The following EGR3 variants were observed in gnomAD, a reference collection of about 807,000 sequenced individuals.
EGR3 encodes early growth response protein 3.
Under a neutral mutation model 22.4 loss-of-function variants are expected in EGR3, and 4 were observed. The observed-to-expected ratio is 0.18, with a 90% CI of 0.09 to 0.41. The LOEUF (loss-of-function observed/expected upper bound fraction) is 0.41, where lower values mean the gene tolerates loss of function less well. EGR3 is among the 10% of genes least tolerant of loss of function. EGR3 has a pLI of 1.00. For synonymous variants in EGR3, 219 were observed against 226.8 expected (o/e 0.97, Z 0.31); for missense variants, 315 against 541.3 (o/e 0.58, Z 4.15).
chr8:22,691,070 G>C lies in EGR3; in HGVS notation c.567C>G (p.Pro189=), dbSNP rs1803936213. ...GGTAGAGGTTGTAGTCAGGAATCAT[G>C]GGGAAGAGATTGCTGTCCAACGCCG... The part of the protein sequence containing the change: ...AKPALDSNLF[P]MIPDYNLYHH... The change falls in exon 2 of 2, where the codon CCC becomes CCG. Residue 189 remains proline, a synonymous_variant. Transcript: ENST00000317216. 1 of 1,613,020 alleles carries C rather than the reference G, an allele frequency of 6.2e-7. No individual in the cohort carries two copies. The highest frequency in any genetic ancestry group is 8.5e-7 in the Non-Finnish European group (1 of 1,179,128).
chr8:22,692,645 C>A lies in EGR3; in HGVS notation c.154+146G>T. 7.0e-7 allele frequency: 1 copy of A among 1,430,660 alleles called. No homozygotes were observed. The highest frequency in any genetic ancestry group is 9.2e-7 in the Non-Finnish European group (1 of 1,085,358). The allele number at this position is 1,430,660 out of a possible 1,614,324, so 88.6% of individuals were successfully genotyped here. On this transcript the variant is annotated intron_variant, in intron 1 of 1. Transcript: ENST00000317216. This position sits in a 1 kb window ranked among gnomAD's most constrained non-coding sequence, Gnocchi z 6.2. ...CGCAAAATTCCCAGCGCGCCCCCAT[C>A]TCTCCATCCATTTATCTATCCACCC...
rs1803898342 is a variant in EGR3, at chr8:22,690,279, C to T, written c.*194G>A. On this transcript the variant is annotated 3_prime_UTR_variant, in exon 2 of 2. Transcript: ENST00000317216. ...GGGGACCGCGAGGGGAAGGCGCCTC[C>T]AGCCCTGGCCCCTGACCGCTGGCCG... The T allele has an allele frequency of 1.7e-6, 1 of 592,112 alleles. No individual in the cohort carries two copies. Among genetic ancestry groups the T allele is most frequent in the Non-Finnish European group, 3.0e-6 (1 of 338,268 alleles). The allele number at this position is 592,112 out of a possible 1,614,324, so 36.7% of individuals were successfully genotyped here.
rs1804031957 is a variant in EGR3 at position 22,693,308 on chromosome 8, A to G, written c.-364T>C. ...ACGCGGCCTCAGTATTGATCTCACA[A>G]ACAGACACGCGCCCGCCGCCCCCCC... On this transcript the variant is annotated 5_prime_UTR_variant, in exon 1 of 2. Coordinates refer to ENST00000317216, the MANE Select transcript of EGR3 (RefSeq NM_004430.3). 7.3e-6 allele frequency: 1 copy of G among 137,888 alleles called. No homozygotes were observed. The allele number at this position is 137,888 out of a possible 1,614,324, so 8.5% of individuals were successfully genotyped here.
Position 22,692,045 on chromosome 8 carries a change from C to T in EGR3, c.155-563G>A. On this transcript the variant is annotated intron_variant, in intron 1 of 1. Coordinates refer to ENST00000317216, the MANE Select transcript of EGR3 (RefSeq NM_004430.3). This position sits in a 1 kb window ranked among gnomAD's most constrained non-coding sequence, Gnocchi z 6.2. Reference sequence around the variant, plus strand: ...AGCTCTCCCTTCACCTACCCCGGCCCCAGCCTCCTCGGGCATGAAGGAGCT... The same window carrying T: ...AGCTCTCCCTTCACCTACCCCGGCCTCAGCCTCCTCGGGCATGAAGGAGCT... The T allele has an allele frequency of 5.3e-6, 7 of 1,315,606 alleles. No individual in the cohort carries two copies. Among genetic ancestry groups the T allele is most frequent in the Non-Finnish European group, 6.8e-6 (7 of 1,034,226 alleles). The allele number at this position is 1,315,606 out of a possible 1,614,324, so 81.5% of individuals were successfully genotyped here.
rs751294806 is a variant in EGR3 at position 22,692,975 on chromosome 8, C to G, written c.-31G>C. 1 of 1,592,252 alleles carries G rather than the reference C, an allele frequency of 6.3e-7. No homozygotes were observed. Among genetic ancestry groups the G allele is most frequent in the South Asian group, 1.1e-5 (1 of 90,136 alleles). On this transcript the variant is annotated 5_prime_UTR_variant, in exon 1 of 2. Coordinates refer to ENST00000317216, the MANE Select transcript of EGR3 (RefSeq NM_004430.3). This position sits in a 1 kb window ranked among gnomAD's most constrained non-coding sequence, Gnocchi z 6.2. The stretch of plus-strand genomic sequence containing the variant: ...TCCCGAGCTGCCGCCGCCGCCGCCA[C>G]CGCCGCCACCGCCGCCGCTCGCTCC...
intron 1 of EGR3, chr8:22,691,862 G>C: frequency 4.1e-6 from 4 of 985,352 alleles, no homozygotes; most frequent in Non-Finnish European, 4.8e-6. Context: ...GCTCTCCACC[G>C]CACACAACTC....
rs767530238 is a variant in EGR3 at position 22,690,472 on chromosome 8, C to T, written c.*1G>A. The T allele has an allele frequency of 1.9e-6, 3 of 1,596,142 alleles. No homozygotes were observed. The highest frequency in any genetic ancestry group is 2.6e-6 in the Non-Finnish European group (3 of 1,169,086). On this transcript the variant is annotated 3_prime_UTR_variant, in exon 2 of 2. Coordinates refer to ENST00000317216, the MANE Select transcript of EGR3 (RefSeq NM_004430.3). ...AAAGTGGGGATCTGGGGGCCCGATC[C>T]TCAGGCGCAGGTGGTGACCACGGGG...
In EGR3 at chr8:22,692,361, G is replaced by A; in HGVS notation, c.154+430C>T. The A allele has an allele frequency of 6.7e-7, 1 of 1,489,064 alleles. No individual in the cohort carries two copies. Among genetic ancestry groups the A allele is most frequent in the Non-Finnish European group, 8.9e-7 (1 of 1,125,366 alleles). 92.2% of individuals were successfully genotyped at this position (1,489,064 alleles called of 1,614,324 possible). ...CTCCATCCCGGGTGGGAGGCTGAGG[G>A]AGTAAGGGGGGAGAGCGCGGGTGAA... On this transcript the variant is annotated intron_variant, in intron 1 of 1. Transcript: ENST00000317216. This position sits in a 1 kb window ranked among gnomAD's most constrained non-coding sequence, Gnocchi z 6.2.
At chr8:22,691,910 C>T (rs1000787092) in intron 1 of EGR3, 43 of 1,226,588 alleles carry the variant, frequency 3.5e-5, no homozygotes, top group Non-Finnish European at 4.2e-5. Flanking sequence ...CAGGACGCCG[C>T]GCCTTTCCCT....
chr8:22,692,652 T>C lies in EGR3; in HGVS notation c.154+139A>G. On this transcript the variant is annotated intron_variant, in intron 1 of 1. Transcript: ENST00000317216. This position sits in a 1 kb window ranked among gnomAD's most constrained non-coding sequence, Gnocchi z 6.2. ...TTCCCAGCGCGCCCCCATCTCTCCATCCATTTATCTATCCACCCATCCACC... is the reference window on the plus strand; with the variant it reads ...TTCCCAGCGCGCCCCCATCTCTCCACCCATTTATCTATCCACCCATCCACC... 2 of 1,425,688 alleles carry C rather than the reference T, an allele frequency of 1.4e-6. No individual in the cohort carries two copies. Among genetic ancestry groups the C allele is most frequent in the Non-Finnish European group, 1.9e-6 (2 of 1,076,616 alleles). The allele number at this position is 1,425,688 out of a possible 1,614,324, so 88.3% of individuals were successfully genotyped here.
Position 22,692,272 on chromosome 8 carries a change from G to C in EGR3, c.154+519C>G. On this transcript the variant is annotated intron_variant, in intron 1 of 1. Transcript: ENST00000317216. This position sits in a 1 kb window ranked among gnomAD's most constrained non-coding sequence, Gnocchi z 6.2. ...GTCCCCACACCCCCACGGCTTTGCT[G>C]AACGCCCCGGAAAGGCAGCGTCGCA... 1 of 1,506,542 alleles carries C rather than the reference G, an allele frequency of 6.6e-7. No individual in the cohort carries two copies. The highest frequency in any genetic ancestry group is 8.8e-7 in the Non-Finnish European group (1 of 1,133,496). 93.3% of individuals were successfully genotyped at this position (1,506,542 alleles called of 1,614,324 possible).
Position 22,692,743 on chromosome 8 carries a change from C to T in EGR3, c.154+48G>A, listed in dbSNP as rs750229993. On this transcript the variant is annotated intron_variant, in intron 1 of 1. Transcript: ENST00000317216. This position sits in a 1 kb window ranked among gnomAD's most constrained non-coding sequence, Gnocchi z 6.2. ...ACCAGGTCGTCCCCTCCTCCTCTTC[C>T]TCTCCCCTTCCTTCCTCGCTGCCTC... The T allele has an allele frequency of 6.2e-7, 1 of 1,606,642 alleles. No homozygotes were observed. Among genetic ancestry groups the T allele is most frequent in the East Asian group, 2.2e-5 (1 of 44,776 alleles).
Position 22,690,959 on chromosome 8 carries a change from G to T in EGR3, c.678C>A (p.Thr226=). ...DPIRVNPPPI[T]PLETIKAFKD... is the part of the protein sequence containing the mutation. ...TGAATGCCTTGATGGTCTCCAGAGG[G>T]GTAATAGGGGGCGGGTTGACCCGGA... is the stretch of plus-strand genomic sequence containing the variant. Residue 226 remains threonine, a synonymous_variant, in exon 2 of 2, where the codon ACC becomes ACA. Coordinates refer to ENST00000317216, the MANE Select transcript of EGR3 (RefSeq NM_004430.3). 2 of 1,567,616 alleles carry T rather than the reference G, an allele frequency of 1.3e-6. No individual in the cohort carries two copies. The highest frequency in any genetic ancestry group is 1.7e-6 in the Non-Finnish European group (2 of 1,154,624).
At position 22,691,021 on chromosome 8, in the gene EGR3, T is replaced by C; in HGVS notation, c.616A>G (p.Ile206Val). The change falls in exon 2 of 2, where the codon ATT (isoleucine) becomes GTT (valine). Residue 206 changes from isoleucine (I) to valine (V), a missense_variant. This residue lies in a region of EGR3 where 227 missense variants were observed against 303.6 expected (regional missense o/e 0.75). Transcript: ENST00000317216. Reference protein sequence around the residue: ...LYHHPNDMGSIPEHKPFQGMD... With the variant: ...LYHHPNDMGSVPEHKPFQGMD... ...CCCTGGAAGGGCTTGTGCTCCGGAA[T>C]GGAGCCCATGTCGTTGGGGTGGTGG... 1 of 1,596,356 alleles carries C rather than the reference T, an allele frequency of 6.3e-7. No individual in the cohort carries two copies. The highest frequency in any genetic ancestry group is 8.6e-7 in the Non-Finnish European group (1 of 1,168,936).
Position 22,692,247 on chromosome 8 carries a change from G to A in EGR3, c.154+544C>T, listed in dbSNP as rs1341903364. 21 of 1,442,370 alleles carry A rather than the reference G, an allele frequency of 1.5e-5. 2 individuals are homozygous for A. The South Asian group carries it at 2.6e-4, about 18-fold the overall frequency. 89.3% of individuals were successfully genotyped at this position (1,442,370 alleles called of 1,614,324 possible). On this transcript the variant is annotated intron_variant, in intron 1 of 1. Transcript: ENST00000317216. The surrounding 1 kb of genome is among the most constrained non-coding windows in gnomAD (Gnocchi z 6.2). ...GGTGAACCCCCTCCTTCTCCCCGCC[G>A]TCCCCACACCCCCACGGCTTTGCTG... is the stretch of plus-strand genomic sequence containing the variant.
intron 1 of EGR3, 57 bp from the exon 2 acceptor site, chr8:22,691,539 C>T: frequency 6.3e-7 from 1 of 1,582,170 alleles, no homozygotes. Context: ...GGCTCCGGGC[C>T]GCGGCGCCCA....
At chr8:22,691,911 G>A (rs1803978706) in intron 1 of EGR3, 3 of 1,228,728 alleles carry the variant, frequency 2.4e-6, no homozygotes, top group African/African-American at 1.6e-5. Flanking sequence ...AGGACGCCGC[G>A]CCTTTCCCTC....
At position 22,690,550 on chromosome 8, in the gene EGR3, CCTT is replaced by C. The variant is rs774877683; in HGVS notation, c.1084_1086del (p.Lys362del). The C allele has an allele frequency of 1.2e-6, 2 of 1,613,774 alleles. No individual in the cohort carries two copies. The highest frequency in any genetic ancestry group is 1.7e-6 in the Non-Finnish European group (2 of 1,179,966). On this transcript the variant is annotated inframe_deletion, in exon 2 of 2. Coordinates refer to ENST00000317216, the MANE Select transcript of EGR3 (RefSeq NM_004430.3). ...GCAGAGGGTGCACCGCCCTTCTCCGCCTTCTTCTCCTTTTGCTTGAGGTGGATC... is the reference window on the plus strand; with the variant it reads ...GCAGAGGGTGCACCGCCCTTCTCCGCCTTCTCCTTTTGCTTGAGGTGGATC...
At position 22,690,536 on chromosome 8, in the gene EGR3, ACCGCCCTTCTC is replaced by A. The variant is rs769189657; in HGVS notation, c.1090_1100del (p.Glu364CysfsTer39). Reference sequence around the variant, plus strand: ...GGGGCGCCGAGGATGCAGAGGGTGCACCGCCCTTCTCCGCCTTCTTCTCCTTTTGCTTGAGG... The same window carrying A: ...GGGGCGCCGAGGATGCAGAGGGTGCACGCCTTCTTCTCCTTTTGCTTGAGG... On this transcript the variant is annotated frameshift_variant, in exon 2 of 2. Coordinates refer to ENST00000317216, the MANE Select transcript of EGR3 (RefSeq NM_004430.3). LOFTEE classifies it high-confidence loss of function. 1 of 1,613,380 alleles carries A rather than the reference ACCGCCCTTCTC, an allele frequency of 6.2e-7. No homozygotes were observed. The highest frequency in any genetic ancestry group is 8.5e-7 in the Non-Finnish European group (1 of 1,179,894).
Sources: allele counts gnomAD v4.1 joint callset, GRCh38; gene constraint gnomAD v4.1.1; regional missense constraint gnomAD v4.1.1; non-coding constraint Gnocchi (gnomAD v3.1); transcripts MANE v1.5; gene names NCBI Gene and HGNC (gene_info 2026-07-23, HGNC 2026-07-21).